The following EPHA6 variants were observed in gnomAD, a reference collection of about 807,000 sequenced individuals.
EPHA6 encodes EPH receptor A6.
Under a neutral mutation model 112.0 loss-of-function variants are expected in EPHA6, and 50 were observed. The observed-to-expected ratio is 0.45, with a 90% CI of 0.36 to 0.56. The LOEUF (loss-of-function observed/expected upper bound fraction) is 0.56. Ranked by LOEUF, EPHA6 falls within the 20% of genes least tolerant of loss-of-function variation. The probability of loss-of-function intolerance (pLI) is 0.00; values close to 1 mark genes in which losing one functional copy is unlikely to be tolerated. For synonymous variants in EPHA6, 529 were observed against 490.7 expected, an observed-to-expected ratio of 1.08 and a Z score of -1.03; for missense variants, 1,280 against 1,417.4, an observed-to-expected ratio of 0.90 and a Z score of 1.56.
Position 97,532,448 on chromosome 3 carries a change from T to A in EPHA6, c.2291T>A (p.Met764Lys). ...VAIKTLKGGH[M>K]DRQRRDFLRE... ...ATTAAAACTTTGAAAGGTGGCCACA[T>A]GGATCGGCAAAGAAGAGATTTTCTA... is the stretch of plus-strand genomic sequence containing the variant. Residue 764 changes from methionine (M) to lysine (K), a missense_variant, in exon 11 of 18, where the codon ATG (methionine) becomes AAG (lysine). By Grantham distance (95) the Met-to-Lys change is moderately conservative. Around this residue, in one of 4 missense-constraint regions of EPHA6, gnomAD observed 878 missense variants for 999.7 expected, o/e 0.88. Coordinates refer to ENST00000389672, the MANE Select transcript of EPHA6 (RefSeq NM_001080448.3). 1 of 1,612,620 alleles carries A rather than the reference T, an allele frequency of 6.2e-7. No individual in the cohort carries two copies. The highest frequency in any genetic ancestry group is 1.1e-5 in the South Asian group (1 of 91,034).
chr3:97,252,242 A>C (rs1047243368), intron 5 of EPHA6, among the ~76,000 whole-genome samples: 1 of 152,058 alleles, frequency 6.6e-6, no homozygotes, highest in African/African-American at 2.4e-5. Flanking sequence ...GAGCAGAAAA[A>C]TGATGACACT....
intron 2 of EPHA6, among the ~76,000 whole-genome samples, chr3:96,887,828 C>A (rs1327895658): frequency 1.3e-5 from 2 of 152,006 alleles, no homozygotes; most frequent in Non-Finnish European, 2.9e-5. Context: ...CTATGAGGAT[C>A]ATGGCTCCCT....
At chr3:97,085,514 G>A (rs1229662316) in intron 3 of EPHA6, among the ~76,000 whole-genome samples, 4 of 152,204 alleles carry the variant, frequency 2.6e-5, no homozygotes, top group South Asian at 4.2e-4. Context: ...AGAGAGTATC[G>A]ACTGTTCTGT....
intron 3 of EPHA6, among the ~76,000 whole-genome samples, chr3:96,992,128 CCT>C (rs2043238240): frequency 6.6e-6 from 1 of 152,126 alleles, no homozygotes; most frequent in African/African-American, 2.4e-5. Context: ...TGTCTGGAAA[CCT>C]CTTTAATTTG....
chr3:96,914,043 C>T (rs369568439), intron 2 of EPHA6, among the ~76,000 whole-genome samples: 2 of 152,088 alleles, frequency 1.3e-5, no homozygotes, highest in African/African-American at 2.4e-5. Context: ...ATGAATTTCT[C>T]TTATTACAAC....
intron 5 of EPHA6, among the ~76,000 whole-genome samples, chr3:97,381,672 T>C (rs1447722325): frequency 1.3e-5 from 2 of 152,168 alleles, no homozygotes; most frequent in Non-Finnish European, 2.9e-5. Flanking sequence ...GTGAAATTAC[T>C]AGCAGGTTTA....
intron 14 of EPHA6, among the ~76,000 whole-genome samples, chr3:97,638,363 A>G (rs1475500311): frequency 6.6e-6 from 1 of 152,172 alleles, no homozygotes; most frequent in Admixed American, 6.5e-5. Context: ...TGGATGTTAT[A>G]ACATGGGCTG....
chr3:97,484,899 C>T (rs563309168), intron 10 of EPHA6, among the ~76,000 whole-genome samples: 10 of 152,198 alleles, frequency 6.6e-5, no homozygotes, highest in Non-Finnish European at 8.8e-5. Context: ...AAGGCAATCA[C>T]CTGAAACTTC....
At chr3:97,228,678 A>G (rs1254489035) in intron 4 of EPHA6, among the ~76,000 whole-genome samples, 1 of 152,128 alleles carries the variant, frequency 6.6e-6, no homozygotes, top group Admixed American at 6.6e-5. Flanking sequence ...GTGCTCCTAT[A>G]AACATGCATG....
At chr3:96,861,337 G>C (rs970941335) in intron 1 of EPHA6, among the ~76,000 whole-genome samples, 1 of 151,976 alleles carries the variant, frequency 6.6e-6, no homozygotes, top group African/African-American at 2.4e-5. Context: ...GATTTATCCT[G>C]AAAGTAATTT....
intron 14 of EPHA6, among the ~76,000 whole-genome samples, chr3:97,639,207 G>A (rs1483355103): frequency 6.6e-6 from 1 of 151,790 alleles, no homozygotes; most frequent in Non-Finnish European, 1.5e-5. Context: ...AGTATCTACT[G>A]ATCTTTTAAT....
chr3:97,175,195 T>C (rs2076803725), intron 3 of EPHA6, among the ~76,000 whole-genome samples: 1 of 152,000 alleles, frequency 6.6e-6, no homozygotes, highest in Non-Finnish European at 1.5e-5. Flanking sequence ...TTGTCAAAAA[T>C]GAGTTAACTG....
At chr3:97,237,973 ATAATACATTTCTG>A (rs754803352) in intron 4 of EPHA6, among the ~76,000 whole-genome samples, 4 of 152,116 alleles carry the variant, frequency 2.6e-5, no homozygotes, top group Middle Eastern at 3.4e-3. Flanking sequence ...CTGCATATCT[ATAATACATTTCTG>A]TAATTATTAC....
At chr3:97,300,612 C>G (rs2081055315) in intron 5 of EPHA6, among the ~76,000 whole-genome samples, 1 of 152,114 alleles carries the variant, frequency 6.6e-6, no homozygotes, top group African/African-American at 2.4e-5. Flanking sequence ...TTTGCTACCT[C>G]ATTTTGCAGT....
intron 10 of EPHA6, among the ~76,000 whole-genome samples, chr3:97,492,547 CAAAAAAAAAAAAAAAAAAA>C (rs780244403): frequency 0.13 from 3,814 of 28,838 alleles, 346 homozygotes; most frequent in African/African-American, 0.27. Context: ...GACTCAGTCT[CAAAAAAAAAAAAAAAAAAA>C]AAAAAAAAAA....
At chr3:97,426,515 G>A (rs1485669118) in intron 6 of EPHA6, among the ~76,000 whole-genome samples, 1 of 152,124 alleles carries the variant, frequency 6.6e-6, no homozygotes, top group Non-Finnish European at 1.5e-5. Context: ...GCCAAACCAT[G>A]TCACCTTCTT....
At chr3:96,901,476 ATT>A (rs565569852) in intron 2 of EPHA6, among the ~76,000 whole-genome samples, 2 of 146,928 alleles carry the variant, frequency 1.4e-5, no homozygotes, top group African/African-American at 5.0e-5. Context: ...CTGGGAAAAG[ATT>A]TTTTTTTTTT....
At chr3:97,188,845 A>G (rs2077225562) in intron 3 of EPHA6, among the ~76,000 whole-genome samples, 1 of 151,990 alleles carries the variant, frequency 6.6e-6, no homozygotes, top group Non-Finnish European at 1.5e-5. Context: ...ATGTTTATAA[A>G]AGCATATAAA....
At chr3:97,395,794 A>G (rs929725490) in intron 5 of EPHA6, among the ~76,000 whole-genome samples, 52 of 151,906 alleles carry the variant, frequency 3.4e-4, no homozygotes, top group African/African-American at 1.2e-3. Flanking sequence ...AGTAAAAAGC[A>G]TTTTAAAAAG....
Sources: allele counts gnomAD v4.1 joint callset (sites outside exome capture counted in the v4.1 genomes callset), GRCh38; gene constraint gnomAD v4.1.1; regional missense constraint gnomAD v4.1.1; transcripts MANE v1.5; gene names NCBI Gene and HGNC (gene_info 2026-07-23, HGNC 2026-07-21).